HMCN1: variants seen among roughly 807,000 people sequenced by gnomAD.
HMCN1 encodes the protein hemicentin 1, also known as hemicentin-1.
HMCN1 carries 321 observed loss-of-function variants against 625.9 expected under a neutral mutation model. The ratio of observed to expected loss-of-function variants is 0.51; its 90% confidence interval spans 0.47 to 0.56. The LOEUF is 0.56. Ranked by LOEUF, HMCN1 falls within the 20% of genes least tolerant of loss-of-function variation. The pLI is 0.00. For synonymous variants in HMCN1, 2,425 were observed against 2,417.6 expected (o/e 1.00, Z -0.09); for missense variants, 6,588 against 6,887.3 (o/e 0.96, Z 1.54).
chr1:186,068,045 G>A (rs371936245), intron 50 of HMCN1, 38 bp downstream of exon 50: 122 of 1,503,498 alleles, frequency 8.1e-5, no homozygotes, highest in East Asian at 3.6e-4. Context: ...ATGCATCTGC[G>A]TCATCTACTA....
At chr1:186,035,134 G>C (rs537591104) in intron 36 of HMCN1, among the ~76,000 whole-genome samples, 1 of 152,086 alleles carries the variant, frequency 6.6e-6, no homozygotes, top group Non-Finnish European at 1.5e-5. Flanking sequence ...AAGTTAGATA[G>C]CTATATTTAT....
intron 4 of HMCN1, among the ~76,000 whole-genome samples, chr1:185,883,126 A>C (rs1664414466): frequency 2.0e-5 from 3 of 152,068 alleles, no homozygotes; most frequent in African/African-American, 7.2e-5. Context: ...CAATATATAC[A>C]TATATATGTG....
At chr1:185,980,684 G>A (rs992575252) in intron 16 of HMCN1, among the ~76,000 whole-genome samples, 11 of 152,168 alleles carry the variant, frequency 7.2e-5, no homozygotes, top group African/African-American at 2.4e-4. Context: ...CTTTGTAACC[G>A]ATTAGAACTG....
At chr1:186,049,097 A>G (rs1201492976) in intron 42 of HMCN1, among the ~76,000 whole-genome samples, 1 of 152,058 alleles carries the variant, frequency 6.6e-6, no homozygotes, top group Non-Finnish European at 1.5e-5. Context: ...TTTGTCTTCC[A>G]CAGCCAGCAT....
At chr1:185,772,079 G>A (rs1571328189) in intron 1 of HMCN1, among the ~76,000 whole-genome samples, 2 of 152,272 alleles carry the variant, frequency 1.3e-5, no homozygotes, top group East Asian at 3.9e-4. Context: ...TGTATGAAAT[G>A]GCATGTCTTA....
chr1:185,933,517 T>G, intron 10 of HMCN1, 32 bp from the exon 11 acceptor site: 5 of 1,613,106 alleles, frequency 3.1e-6, no homozygotes, highest in Non-Finnish European at 4.2e-6. Flanking sequence ...GGCTTTTAGG[T>G]CTCTTGATTT....
chr1:186,110,977 CTTTTTTT>C (rs557887846), intron 71 of HMCN1, among the ~76,000 whole-genome samples: 6,594 of 61,692 alleles, frequency 0.11, 792 homozygotes, highest in Middle Eastern at 0.2. Flanking sequence ...AGAGAAAATT[CTTTTTTT>C]TTTTTTTTTT....
chr1:186,130,477 A>T, intron 84 of HMCN1, 30 bp from the exon 85 acceptor site: 1 of 1,598,486 alleles, frequency 6.3e-7, no homozygotes, highest in Non-Finnish European at 8.6e-7. Context: ...ACTTACTTTT[A>T]CTTTGTACCT....
At chr1:186,160,405 T>G (rs1487440719) in intron 97 of HMCN1, among the ~76,000 whole-genome samples, 7 of 148,220 alleles carry the variant, frequency 4.7e-5, no homozygotes, top group African/African-American at 1.8e-4. Flanking sequence ...AAGGGTTTTT[T>G]GTGTCTCTAT....
At chr1:186,075,416 C>T (rs1020307190) in intron 53 of HMCN1, among the ~76,000 whole-genome samples, 26 of 152,070 alleles carry the variant, frequency 1.7e-4, no homozygotes, top group African/African-American at 6.0e-4. Context: ...TAAAAACAAG[C>T]AAACAACATA....
chr1:185,877,321 CTTTTTTTTTTTTTTTTTT>C (rs71557837), intron 4 of HMCN1, among the ~76,000 whole-genome samples: 1 of 34,874 alleles, frequency 2.9e-5, no homozygotes, highest in Admixed American at 4.9e-4. Context: ...ATGTGTCTTT[CTTTTTTTTTTTTTTTTTT>C]TTTTTTTTTT....
At chr1:186,117,358 T>A in intron 76 of HMCN1, 101 bp from the exon 77 acceptor site, 1 of 1,396,684 alleles carries the variant, frequency 7.2e-7, no homozygotes, top group Non-Finnish European at 1.0e-6. Context: ...TACCTAACTT[T>A]CACTTTCAGA....
chr1:185,901,278 ATT>A (rs1486347686), intron 4 of HMCN1, among the ~76,000 whole-genome samples: 1 of 151,598 alleles, frequency 6.6e-6, no homozygotes, highest in African/African-American at 2.4e-5. Flanking sequence ...CTAAAAATGT[ATT>A]TGTTTCCTTC....
intron 97 of HMCN1, among the ~76,000 whole-genome samples, chr1:186,155,365 G>A (rs1029675541): frequency 3.3e-5 from 5 of 152,076 alleles, no homozygotes; most frequent in African/African-American, 1.2e-4. Context: ...TGCCATGCAT[G>A]CCATGCCACT....
intron 1 of HMCN1, among the ~76,000 whole-genome samples, chr1:185,832,489 A>G (rs1252829727): frequency 6.6e-6 from 1 of 152,266 alleles, no homozygotes; most frequent in African/African-American, 2.4e-5. Flanking sequence ...TATAGAATAC[A>G]TATGTGAATC....
intron 1 of HMCN1, among the ~76,000 whole-genome samples, chr1:185,794,491 GA>G (rs202061613): frequency 7.6e-6 from 1 of 132,432 alleles, no homozygotes; most frequent in Admixed American, 7.4e-5. Flanking sequence ...AGAAAAAAAA[GA>G]AAAAAAAAGA....
chr1:185,839,127 C>A (rs1028366846), intron 1 of HMCN1, among the ~76,000 whole-genome samples: 15 of 152,110 alleles, frequency 9.9e-5, no homozygotes, highest in African/African-American at 3.1e-4. Flanking sequence ...TTAATGATTC[C>A]TTTCTAAGGA....
Position 186,088,632 on chromosome 1 carries a change from A to G in HMCN1, c.9604A>G (p.Ile3202Val). 6.2e-7 allele frequency: 1 copy of G among 1,611,892 alleles called. No individual in the cohort carries two copies. Among genetic ancestry groups the G allele is most frequent in the South Asian group, 1.1e-5 (1 of 90,994 alleles). The change falls in exon 63 of 107, where the codon ATT becomes GTT. Residue 3202 changes from isoleucine to valine, a missense_variant. By Grantham distance (29) the Ile-to-Val change is conservative. This residue lies in a region of HMCN1 where 4,628 missense variants were observed against 4,853.1 expected (regional missense o/e 0.95). Coordinates refer to ENST00000271588, the MANE Select transcript of HMCN1 (RefSeq NM_031935.3). ...IENSDSLEVR[I>V]LSGGSKLQIA... ...AAATTCTGACTCACTGGAAGTTCGT[A>G]TTTTGTCTGGAGGTAGCAAACTCCA...
chr1:186,161,243 C>A (rs1181978709), intron 97 of HMCN1, among the ~76,000 whole-genome samples: 32 of 151,198 alleles, frequency 2.1e-4, no homozygotes, highest in Admixed American at 5.3e-4. Context: ...GGATTGCAAC[C>A]CCTGCCTTTT....
Sources: allele counts gnomAD v4.1 joint callset (sites outside exome capture counted in the v4.1 genomes callset), GRCh38; gene constraint gnomAD v4.1.1; regional missense constraint gnomAD v4.1.1; transcripts MANE v1.5; gene names NCBI Gene and HGNC (gene_info 2026-07-23, HGNC 2026-07-21).